DDX60: variants seen among roughly 807,000 people sequenced by gnomAD.
DDX60 encodes probable ATP-dependent RNA helicase DDX60.
A neutral mutation model predicts 212.8 loss-of-function variants in DDX60; 165 were observed. That is an observed-to-expected ratio of 0.78 (90% CI 0.68 to 0.88). The LOEUF (loss-of-function observed/expected upper bound fraction) is 0.88, where lower values mean the gene tolerates loss of function less well. Ranked by LOEUF, DDX60 falls within the 40% of genes least tolerant of loss-of-function variation. The pLI is 0.00. For missense variants in DDX60, 1,905 were observed against 2,003.9 expected, an observed-to-expected ratio of 0.95 and a Z score of 0.94; for synonymous variants, 703 against 685.3, an observed-to-expected ratio of 1.03 and a Z score of -0.40.
At chr4:168,292,560 CT>C (rs2149536177) in intron 7 of DDX60, among the ~76,000 whole-genome samples, 1 of 152,314 alleles carries the variant, frequency 6.6e-6, no homozygotes, top group East Asian at 1.9e-4. Flanking sequence ...GGACTCTACG[CT>C]GATGGAGCCA....
At chr4:168,256,202 C>A (rs1165233691) in intron 25 of DDX60, among the ~76,000 whole-genome samples, 1 of 146,730 alleles carries the variant, frequency 6.8e-6, no homozygotes, top group African/African-American at 2.5e-5. Context: ...AAGCAAGGAA[C>A]AGAGAACAAT....
At position 168,262,773 on chromosome 4, in the gene DDX60, T is replaced by A. The variant is rs1273121892; in HGVS notation, c.3054A>T (p.Gly1018=). ...GTGAAAGGGTAAGATCAGGAGGGAA[T>A]CCATACCTTTCAATCTGTTTAAAAT... is the stretch of plus-strand genomic sequence containing the variant. ...ALTTDHIERY[G]FPPDLTLSPR... is the part of the protein sequence containing the mutation. The change falls in exon 23 of 38, where the codon GGA becomes GGT. Residue 1018 remains glycine, a synonymous_variant. Coordinates refer to ENST00000393743, the MANE Select transcript of DDX60 (RefSeq NM_017631.6). 6.2e-7 allele frequency: 1 copy of A among 1,602,962 alleles called. No homozygotes were observed. The highest frequency in any genetic ancestry group is 1.3e-5 in the African/African-American group (1 of 74,462).
intron 16 of DDX60, 64 bp downstream of exon 16, chr4:168,275,281 A>G (rs1262017744): frequency 1.4e-6 from 2 of 1,395,896 alleles, no homozygotes; most frequent in Non-Finnish European, 9.6e-7. Flanking sequence ...CACAATAATG[A>G]GAAACCTCTG....
chr4:168,311,223 T>G, intron 2 of DDX60, 33 bp downstream of exon 2: 1 of 1,607,922 alleles, frequency 6.2e-7, no homozygotes, highest in South Asian at 1.1e-5. Context: ...AACATTGTTT[T>G]ATAATCTATA....
chr4:168,304,526 C>T (rs1736792496), intron 5 of DDX60, among the ~76,000 whole-genome samples: 1 of 152,032 alleles, frequency 6.6e-6, no homozygotes, highest in African/African-American at 2.4e-5. Flanking sequence ...CATGGCAAAA[C>T]CTTGTCTCTA....
chr4:168,285,827 A>G (rs2149530019), intron 10 of DDX60, among the ~76,000 whole-genome samples: 1 of 149,928 alleles, frequency 6.7e-6, no homozygotes, highest in Non-Finnish European at 1.5e-5. Flanking sequence ...ATGGATGGGT[A>G]AGTAGACAGA....
chr4:168,279,856 G>A (rs1367800127), intron 14 of DDX60, among the ~76,000 whole-genome samples: 3 of 152,104 alleles, frequency 2.0e-5, no homozygotes, highest in Non-Finnish European at 4.4e-5. Flanking sequence ...GATATTAAAA[G>A]AAAAAATATG....
chr4:168,236,551 T>C (rs1733637764), intron 32 of DDX60, among the ~76,000 whole-genome samples, 178 bp from the exon 33 acceptor site: 1 of 151,922 alleles, frequency 6.6e-6, no homozygotes, highest in Non-Finnish European at 1.5e-5. Context: ...TTCTTTTTCA[T>C]CCTTGCTACC....
chr4:168,225,786 A>G (rs971417578), intron 33 of DDX60, 110 bp from the exon 34 acceptor site: 3 of 932,858 alleles, frequency 3.2e-6, no homozygotes, highest in Non-Finnish European at 4.6e-6. Context: ...ATAGTTATCT[A>G]TTAATATTTA....
At chr4:168,298,833 C>T (rs997423050) in intron 6 of DDX60, among the ~76,000 whole-genome samples, 1 of 151,510 alleles carries the variant, frequency 6.6e-6, no homozygotes, top group Non-Finnish European at 1.5e-5. Context: ...CTTCATAATA[C>T]AATAAAGGTA....
At chr4:168,268,303 T>C (rs114015399) in intron 20 of DDX60, among the ~76,000 whole-genome samples, 2,650 of 152,280 alleles carry the variant, frequency 0.017, 40 homozygotes, top group Non-Finnish European at 0.029. Flanking sequence ...TAAAATAAAT[T>C]AATACATGTA....
intron 7 of DDX60, 110 bp from the exon 8 acceptor site, chr4:168,292,016 G>T (rs1195404489): frequency 9.9e-5 from 55 of 555,642 alleles, no homozygotes; most frequent in Non-Finnish European, 1.2e-4. Context: ...CAGGAATCAT[G>T]AATTATTCCT....
In DDX60 at chr4:168,237,259, C is replaced by T. The variant is rs996036276; in HGVS notation, c.4411+27G>A. 1.2e-5 allele frequency: 18 copies of T among 1,470,198 alleles called. No individual in the cohort carries two copies. In the African/African-American group the frequency reaches 1.3e-4, roughly 10 times the overall value. The allele number at this position is 1,470,198 out of a possible 1,614,324, so 91.1% of individuals were successfully genotyped here. A position where few individuals can be genotyped will look rare whatever the true frequency, so the allele number is the denominator to read the frequency against. ...TTGCTATTTTTGGACTCTCTCTCTACATATATATATAAAATCTCAAGCTTA... is the reference window on the plus strand; with the variant it reads ...TTGCTATTTTTGGACTCTCTCTCTATATATATATATAAAATCTCAAGCTTA... On this transcript the variant is annotated intron_variant, in intron 32 of 37. Coordinates refer to ENST00000393743, the MANE Select transcript of DDX60 (RefSeq NM_017631.6).
At chr4:168,233,071 A>G (rs1733511264) in intron 33 of DDX60, among the ~76,000 whole-genome samples, 1 of 152,168 alleles carries the variant, frequency 6.6e-6, no homozygotes, top group Admixed American at 6.5e-5. Flanking sequence ...AATTCTCAAA[A>G]GAAAATATAT....
intron 19 of DDX60, among the ~76,000 whole-genome samples, chr4:168,270,060 CTTGT>C (rs1735024303): frequency 6.6e-6 from 1 of 152,210 alleles, no homozygotes; most frequent in Admixed American, 6.5e-5. Context: ...TGTGAGCTCA[CTTGT>C]TTATTTCCTC....
chr4:168,250,328 G>A (rs1056519125), intron 28 of DDX60, among the ~76,000 whole-genome samples: 1 of 151,908 alleles, frequency 6.6e-6, no homozygotes, highest in African/African-American at 2.4e-5. Context: ...GATCACCTAA[G>A]GTCAGGAGTT....
Position 168,267,832 on chromosome 4 carries a change from C to G in DDX60, c.2929+9G>C. On this transcript the variant is annotated intron_variant, in intron 21 of 37. Transcript: ENST00000393743. ...AAAGGCAAGCTTTATATAAATATAT[C>G]AAACATACCAAGTCTAACTTTATAC... 6.3e-7 allele frequency: 1 copy of G among 1,597,248 alleles called. No individual in the cohort carries two copies. Among genetic ancestry groups the G allele is most frequent in the Non-Finnish European group, 8.5e-7 (1 of 1,173,674 alleles).
At chr4:168,252,418 TGCATATATCTTATTAA>T (rs1579001662) in intron 27 of DDX60, 75 bp downstream of exon 27, 1 of 1,423,674 alleles carries the variant, frequency 7.0e-7, no homozygotes, top group East Asian at 2.3e-5. Flanking sequence ...TATTATATTA[TGCATATATCTTATTAA>T]GCATTATCTA....
chr4:168,220,532 C>T (rs894763122), intron 37 of DDX60, 123 bp downstream of exon 37: 4 of 578,022 alleles, frequency 6.9e-6, no homozygotes, highest in Admixed American at 7.0e-5. Flanking sequence ...AGTTGAAATG[C>T]ATAGCACAGA....
Sources: gnomAD v4.1 joint callset for allele counts (sites outside exome capture counted in the v4.1 genomes callset) on GRCh38, gnomAD v4.1.1 for gene constraint, MANE v1.5 for transcripts, NCBI Gene and HGNC (gene_info 2026-07-23, HGNC 2026-07-21) for gene names.